The following CEP63 variants were observed in gnomAD, a reference collection of about 807,000 sequenced individuals.
The protein encoded by CEP63 is centrosomal protein 63.
A neutral mutation model predicts 89.1 loss-of-function variants in CEP63; 84 were observed. The ratio of observed to expected loss-of-function variants is 0.94; its 90% CI spans 0.79 to 1.13. The LOEUF is 1.13. Among genes scored for constraint, CEP63 ranks in the 50% most tolerant of loss-of-function variants. The pLI is 0.00. For missense variants in CEP63, 838 were observed against 813.3 expected (o/e 1.03, Z -0.37); for synonymous variants, 267 against 272.5 (o/e 0.98, Z 0.20).
At chr3:134,743,539 T>C in the CEP63 span, among the ~76,000 whole-genome samples, 1 of 152,102 alleles carries the variant, frequency 6.6e-6, no homozygotes, top group South Asian at 2.1e-4. Flanking sequence ...GAGGATTCAC[T>C]CCATGTATGA....
chr3:134,682,776 A>G, the CEP63 span, among the ~76,000 whole-genome samples: 1 of 152,188 alleles, frequency 6.6e-6, no homozygotes, highest in South Asian at 2.1e-4. Flanking sequence ...ACCACTACTC[A>G]GAGGAAGGTA....
intron 2 of CEP63, among the ~76,000 whole-genome samples, chr3:134,498,378 A>G (rs565253012): frequency 6.6e-6 from 1 of 152,200 alleles, no homozygotes; most frequent in East Asian, 1.9e-4. Context: ...GGTGTATAGA[A>G]ACATTACTGA....
At chr3:134,653,998 C>A in the CEP63 span, among the ~76,000 whole-genome samples, 1 of 152,294 alleles carries the variant, frequency 6.6e-6, no homozygotes, top group Non-Finnish European at 1.5e-5. Flanking sequence ...GGGGCTTTCT[C>A]CATTCTTGAG....
At chr3:134,651,329 C>A in the CEP63 span, 2 of 1,164,172 alleles carry the variant, frequency 1.7e-6, no homozygotes, top group Non-Finnish European at 2.1e-6. Flanking sequence ...TCCAGGGCTT[C>A]TCTGGCTGAG....
the CEP63 span, among the ~76,000 whole-genome samples, chr3:134,639,330 A>G: frequency 6.6e-6 from 1 of 152,160 alleles, no homozygotes; most frequent in African/African-American, 2.4e-5. Context: ...ACACAGCATG[A>G]AAACCCCACT....
chr3:134,778,081 A>G, the CEP63 span, among the ~76,000 whole-genome samples: 1 of 146,748 alleles, frequency 6.8e-6, no homozygotes, highest in Non-Finnish European at 1.5e-5. Flanking sequence ...TGTTAAGCAC[A>G]AATAGTTCCA....
At chr3:134,741,177 A>G in the CEP63 span, among the ~76,000 whole-genome samples, 85 of 152,284 alleles carry the variant, frequency 5.6e-4, no homozygotes, top group African/African-American at 1.8e-3. Flanking sequence ...TTCTCTGCCC[A>G]TCTTCATCCC....
the CEP63 span, among the ~76,000 whole-genome samples, chr3:134,701,516 T>G: frequency 4.7e-5 from 7 of 150,284 alleles, no homozygotes; most frequent in East Asian, 9.9e-4. Flanking sequence ...TTTAAAAAAC[T>G]TCTTTCTTTC....
At chr3:134,723,602 A>C in the CEP63 span, among the ~76,000 whole-genome samples, 8 of 152,214 alleles carry the variant, frequency 5.3e-5, no homozygotes, top group African/African-American at 1.7e-4. Context: ...AAAGCTGTGC[A>C]TGTGGGATTT....
At chr3:134,712,165 T>C in the CEP63 span, among the ~76,000 whole-genome samples, 2 of 152,206 alleles carry the variant, frequency 1.3e-5, no homozygotes, top group African/African-American at 4.8e-5. Flanking sequence ...GAGCAGGTTT[T>C]TGTTGTCTTT....
the CEP63 span, among the ~76,000 whole-genome samples, chr3:134,596,589 GA>G: frequency 6.6e-6 from 1 of 152,200 alleles, no homozygotes; most frequent in Non-Finnish European, 1.5e-5. Context: ...AACATGCTTT[GA>G]CAAATGCTCA....
the CEP63 span, among the ~76,000 whole-genome samples, chr3:134,701,353 T>C: frequency 1.6e-4 from 8 of 51,350 alleles, 2 homozygotes; most frequent in Non-Finnish European, 3.2e-4. Context: ...CGTATATATG[T>C]GTATATATAC....
At chr3:134,714,555 A>G in the CEP63 span, among the ~76,000 whole-genome samples, 1 of 152,194 alleles carries the variant, frequency 6.6e-6, no homozygotes, top group African/African-American at 2.4e-5. Flanking sequence ...GTCCAGCTGC[A>G]TGGAGAAATG....
chr3:134,676,906 G>A, the CEP63 span, among the ~76,000 whole-genome samples: 1 of 152,116 alleles, frequency 6.6e-6, no homozygotes, highest in Admixed American at 6.5e-5. Flanking sequence ...CCATCTCCAC[G>A]TATTGGCTCC....
intron 6 of CEP63, among the ~76,000 whole-genome samples, chr3:134,541,921 A>C (rs6439486): frequency 1 from 151,745 of 152,256 alleles, 75,622 homozygotes; most frequent in Middle Eastern, 1. Context: ...GATGTAACAA[A>C]AGAGTCGTGG....
the CEP63 span, among the ~76,000 whole-genome samples, chr3:134,772,947 G>A: frequency 6.6e-6 from 1 of 152,178 alleles, no homozygotes; most frequent in African/African-American, 2.4e-5. Flanking sequence ...TTGGGCTGGT[G>A]TTACCAAGGC....
chr3:134,631,124 A>T, the CEP63 span, among the ~76,000 whole-genome samples: 1 of 152,244 alleles, frequency 6.6e-6, no homozygotes, highest in South Asian at 2.1e-4. Flanking sequence ...CACATCATTG[A>T]AGTCTCAGAA....
At position 134,547,367 on chromosome 3, in the gene CEP63, A is replaced by T. The variant is rs367734078; in HGVS notation, c.962A>T (p.Tyr321Phe). Residue 321 changes from tyrosine to phenylalanine, a missense_variant, in exon 9 of 15, where the codon TAC (tyrosine) becomes TTC (phenylalanine). Tyr to Phe is a conservative substitution (Grantham distance 22). Coordinates refer to ENST00000675561, the MANE Select transcript of CEP63 (RefSeq NM_001353108.3). ...PREESLAEKK[Y>F]TSQGQGDLDS... is the part of the protein sequence containing the mutation. ...GAAGAATCTCTGGCAGAAAAGAAGT[A>T]CACCTCTCAAGGGCAGGGGGACTTA... 1.0e-4 allele frequency: 162 copies of T among 1,613,714 alleles called. 2 individuals are homozygous for T. The East Asian group carries it at 2.4e-3, about 24-fold the overall frequency.
At chr3:134,629,430 T>G in the CEP63 span, 1 of 559,074 alleles carries the variant, frequency 1.8e-6, no homozygotes, top group Non-Finnish European at 3.2e-6. Flanking sequence ...AGATGCAAAA[T>G]CAGCGGTAGC....
Sources: gnomAD v4.1 joint callset for allele counts (sites outside exome capture counted in the v4.1 genomes callset) on GRCh38, gnomAD v4.1.1 for gene constraint, MANE v1.5 for transcripts, NCBI Gene and HGNC (gene_info 2026-07-23, HGNC 2026-07-21) for gene names.